FAM120A: variants seen among roughly 807,000 people sequenced by gnomAD.
The protein encoded by FAM120A is constitutive coactivator of PPAR-gamma-like protein 1.
A neutral mutation model predicts 109.7 loss-of-function variants in FAM120A; 15 were observed. The ratio of observed to expected loss-of-function variants is 0.14; its 90% CI spans 0.09 to 0.21. FAM120A has a LOEUF of 0.21. FAM120A is among the 10% of genes least tolerant of loss of function. The probability of loss-of-function intolerance (pLI) is 1.00; values close to 1 mark genes in which losing one functional copy is unlikely to be tolerated. For missense variants in FAM120A, 899 were observed against 1,439.3 expected (o/e 0.62, Z 6.07); for synonymous variants, 493 against 572.8 (o/e 0.86, Z 1.99).
At chr9:93,465,767 A>T (rs918542635) in intron 1 of FAM120A, among the ~76,000 whole-genome samples, 1 of 152,144 alleles carries the variant, frequency 6.6e-6, no homozygotes, top group East Asian at 1.9e-4. Context: ...TTTGGATTTC[A>T]TCTGTTTCCC....
chr9:93,508,859 C>A (rs1389518814), intron 5 of FAM120A, among the ~76,000 whole-genome samples: 2 of 152,198 alleles, frequency 1.3e-5, no homozygotes. Flanking sequence ...TTTGAAAATA[C>A]ACACGATCTC....
chr9:93,553,825 G>GA (rs1243508866), intron 12 of FAM120A, among the ~76,000 whole-genome samples: 1 of 151,944 alleles, frequency 6.6e-6, no homozygotes, highest in Non-Finnish European at 1.5e-5. Context: ...GTGAGATAAT[G>GA]AAAAAAGCAG....
At chr9:93,497,365 A>C in intron 3 of FAM120A, 106 bp from the exon 4 acceptor site, 8 of 1,418,930 alleles carry the variant, frequency 5.6e-6, no homozygotes, top group Non-Finnish European at 6.8e-6. Context: ...GGCACTGATA[A>C]GATCTTAGAT....
chr9:93,529,621 T>C (rs1861244909), intron 9 of FAM120A, 41 bp downstream of exon 9: 1 of 1,554,296 alleles, frequency 6.4e-7, no homozygotes, highest in Non-Finnish European at 8.9e-7. Context: ...TGTTATTTGA[T>C]GAGTGGCCAT....
chr9:93,480,025 G>C (rs1858727966), intron 3 of FAM120A, among the ~76,000 whole-genome samples: 1 of 152,170 alleles, frequency 6.6e-6, no homozygotes, highest in Non-Finnish European at 1.5e-5. Context: ...TTATTAGTTA[G>C]TAGTAGATCG....
chr9:93,452,251 G>A lies in FAM120A; in HGVS notation c.336G>A (p.Gln112=). 1 of 1,610,946 alleles carries A rather than the reference G, an allele frequency of 6.2e-7. No homozygotes were observed. ...KARLHEWVKR[Q]GNERQTAQQI... ...GGCTGCACGAGTGGGTCAAGCGGCA[G>A]GGCAACGAGCGCCAGACGGCACAGC... Residue 112 remains glutamine, a synonymous_variant, in exon 1 of 18, where the codon CAG becomes CAA. Coordinates refer to ENST00000277165, the MANE Select transcript of FAM120A (RefSeq NM_014612.5). The surrounding 1 kb of genome is among the most constrained non-coding windows in gnomAD (Gnocchi z 7.0).
Position 93,532,046 on chromosome 9 carries a change from A to G in FAM120A, c.1735-109A>G, listed in dbSNP as rs1376995197. 4 of 1,045,094 alleles carry G rather than the reference A, an allele frequency of 3.8e-6. No homozygotes were observed. The African/African-American group carries it at 4.8e-5, about 12-fold the overall frequency. The allele number at this position is 1,045,094 out of a possible 1,614,324, so 64.7% of individuals were successfully genotyped here. A position where few individuals can be genotyped will look rare whatever the true frequency, so the allele number is the denominator to read the frequency against. On this transcript the variant is annotated intron_variant, in intron 9 of 17. Coordinates refer to ENST00000277165, the MANE Select transcript of FAM120A (RefSeq NM_014612.5). The surrounding 1 kb of genome is among the most constrained non-coding windows in gnomAD (Gnocchi z 4.3). ...CAAGTTGTTAAGCAGTTGATTTGGA[A>G]TGGAATTGCAATGTCATTAACTGGA...
At chr9:93,551,835 G>A (rs538762633) in intron 12 of FAM120A, among the ~76,000 whole-genome samples, 4 of 152,284 alleles carry the variant, frequency 2.6e-5, no homozygotes, top group African/African-American at 7.2e-5. Flanking sequence ...ACTTCAAATT[G>A]TGTTCTTTAC....
intron 2 of FAM120A, among the ~76,000 whole-genome samples, chr9:93,474,181 G>A (rs1298493224): frequency 1.3e-5 from 2 of 151,970 alleles, no homozygotes; most frequent in Non-Finnish European, 2.9e-5. Flanking sequence ...AGTTTTTGTT[G>A]TTGTTGTTGT....
At chr9:93,473,934 A>G (rs543117148) in intron 2 of FAM120A, among the ~76,000 whole-genome samples, 151 of 152,342 alleles carry the variant, frequency 9.9e-4, no homozygotes, top group Non-Finnish European at 2.0e-3. Context: ...TGTGAAAATC[A>G]TATGCTCTTA....
intron 2 of FAM120A, among the ~76,000 whole-genome samples, chr9:93,472,181 A>G (rs1003610006): frequency 6.6e-6 from 1 of 151,930 alleles, no homozygotes; most frequent in African/African-American, 2.4e-5. Flanking sequence ...AATGGCTTGA[A>G]CCAGGGAGGT....
At chr9:93,559,794 C>T (rs533818466) in intron 15 of FAM120A, among the ~76,000 whole-genome samples, 2 of 152,234 alleles carry the variant, frequency 1.3e-5, no homozygotes, top group African/African-American at 4.8e-5. Flanking sequence ...TAGTGTAGGG[C>T]AAGAAGTGAA....
intron 7 of FAM120A, among the ~76,000 whole-genome samples, chr9:93,517,298 A>C (rs1231180800): frequency 6.6e-6 from 1 of 152,240 alleles, no homozygotes; most frequent in Non-Finnish European, 1.5e-5. Context: ...TTTGCTGTAT[A>C]TGCAATGCCA....
chr9:93,535,363 A>G (rs1861478411), intron 10 of FAM120A, among the ~76,000 whole-genome samples: 1 of 152,240 alleles, frequency 6.6e-6, no homozygotes, highest in Non-Finnish European at 1.5e-5. Flanking sequence ...GATGAGTTGG[A>G]TAGCGATGTA....
At chr9:93,497,654 A>C in intron 4 of FAM120A, 55 bp downstream of exon 4, 1 of 1,557,594 alleles carries the variant, frequency 6.4e-7, no homozygotes, top group Non-Finnish European at 8.6e-7. Context: ...ATGACGTTGC[A>C]TAGTGGTGTG....
rs1261696566 is a variant in FAM120A, at chr9:93,565,339, C to G, written c.*799C>G. 6.6e-6 allele frequency: 1 copy of G among 152,640 alleles called. No individual in the cohort carries two copies. The highest frequency in any genetic ancestry group is 1.5e-5 in the Non-Finnish European group (1 of 68,038). The allele number at this position is 152,640 out of a possible 1,614,324, so 9.5% of individuals were successfully genotyped here. ...CATTAGTACTACTACTTGAGCTAAACTTCTGCATGGTTCATAATTTTTAAA... is the reference window on the plus strand; with the variant it reads ...CATTAGTACTACTACTTGAGCTAAAGTTCTGCATGGTTCATAATTTTTAAA... On this transcript the variant is annotated 3_prime_UTR_variant, in exon 18 of 18. Coordinates refer to ENST00000277165, the MANE Select transcript of FAM120A (RefSeq NM_014612.5).
chr9:93,503,151 C>CT (rs2131365954), intron 5 of FAM120A, among the ~76,000 whole-genome samples: 1 of 152,320 alleles, frequency 6.6e-6, no homozygotes, highest in South Asian at 2.1e-4. Context: ...GATTGTGCTG[C>CT]TAATGGGATT....
intron 3 of FAM120A, among the ~76,000 whole-genome samples, chr9:93,495,443 G>A (rs1438479216): frequency 6.6e-6 from 1 of 152,192 alleles, no homozygotes; most frequent in Non-Finnish European, 1.5e-5. Context: ...TACCAAAGGG[G>A]ACTCTGCTGT....
chr9:93,533,900 G>A (rs1003365091), intron 10 of FAM120A, among the ~76,000 whole-genome samples: 14 of 152,204 alleles, frequency 9.2e-5, no homozygotes, highest in African/African-American at 3.4e-4. Flanking sequence ...CCTTTACATA[G>A]CAAACTCCTT....
Sources: allele counts gnomAD v4.1 joint callset (sites outside exome capture counted in the v4.1 genomes callset), GRCh38; gene constraint gnomAD v4.1.1; non-coding constraint Gnocchi (gnomAD v3.1); transcripts MANE v1.5; gene names NCBI Gene and HGNC (gene_info 2026-07-23, HGNC 2026-07-21).